The following RHBDL2 variants were observed in gnomAD, a reference collection of about 807,000 sequenced individuals.
The protein encoded by RHBDL2 is rhomboid like 2, also known as rhomboid-related protein 2.
Under a neutral mutation model 31.7 loss-of-function variants are expected in RHBDL2, and 26 were observed. The observed-to-expected ratio is 0.82, with a 90% CI of 0.60 to 1.14. The LOEUF is 1.14. Ranked by LOEUF, RHBDL2 falls within the 50% of genes most tolerant of loss-of-function variation. The pLI, the probability that RHBDL2 is intolerant of heterozygous loss-of-function variation, is 0.00. For missense variants in RHBDL2, 336 were observed against 364.4 expected (o/e 0.92, Z 0.63); for synonymous variants, 123 against 127.2 (o/e 0.97, Z 0.22).
intron 1 of RHBDL2, among the ~76,000 whole-genome samples, chr1:38,932,568 T>C (rs1031797006): frequency 1.3e-5 from 2 of 152,214 alleles, no homozygotes; most frequent in Admixed American, 6.5e-5. Context: ...CAAGGGACTC[T>C]TGTGCCTCAG....
chr1:38,921,317 G>T lies in RHBDL2; in HGVS notation c.-125-1980C>A, dbSNP rs566374769. Among the ~76,000 whole-genome samples the T allele has an allele frequency of 5.3e-5, 8 of 152,290 alleles. No homozygotes were observed. The South Asian group carries it at 1.4e-3, about 28-fold the overall frequency. ...AATCGCTTGAACCTGGGAGGCAGAGGTTACAGTGAGCCAAATTCACACCAC... is the reference window on the plus strand; with the variant it reads ...AATCGCTTGAACCTGGGAGGCAGAGTTTACAGTGAGCCAAATTCACACCAC... On this transcript the variant is annotated intron_variant, in intron 1 of 7. Coordinates refer to ENST00000372990, the MANE Select transcript of RHBDL2 (RefSeq NM_017821.5).
chr1:38,919,386 T>C, intron 1 of RHBDL2, 49 bp from the exon 2 acceptor site: 1 of 1,477,120 alleles, frequency 6.8e-7, no homozygotes, highest in South Asian at 1.4e-5. Flanking sequence ...GATCTAAACC[T>C]CCTAAATGGC....
intron 4 of RHBDL2, among the ~76,000 whole-genome samples, chr1:38,900,355 C>T (rs1223341696): frequency 6.6e-6 from 1 of 152,062 alleles, no homozygotes. Context: ...AGTGCAGTGG[C>T]TCATGCCTAT....
chr1:38,912,908 ATATGTGTGTGTG>A (rs1333657605), intron 3 of RHBDL2, among the ~76,000 whole-genome samples: 1 of 35,322 alleles, frequency 2.8e-5, no homozygotes, highest in Non-Finnish European at 6.6e-5. Flanking sequence ...ATATATATAT[ATATGTGTGTGTG>A]TGTGTGTGTG....
chr1:38,899,563 T>C (rs1191999739), intron 4 of RHBDL2, among the ~76,000 whole-genome samples: 2 of 152,174 alleles, frequency 1.3e-5, no homozygotes, highest in South Asian at 4.2e-4. Context: ...TCAGGTCCCT[T>C]GGGAACACTG....
intron 4 of RHBDL2, among the ~76,000 whole-genome samples, chr1:38,897,013 C>G (rs1327548946): frequency 2.0e-5 from 3 of 152,054 alleles, no homozygotes; most frequent in Non-Finnish European, 4.4e-5. Context: ...TGTAGAAGCA[C>G]TTAGGAAGGA....
chr1:38,919,581 C>T (rs1033476294), intron 1 of RHBDL2, among the ~76,000 whole-genome samples: 5 of 151,358 alleles, frequency 3.3e-5, no homozygotes, highest in Admixed American at 6.6e-5. Context: ...TTACCATTTT[C>T]GCCATTTAAT....
In RHBDL2 at chr1:38,935,736, C is replaced by T. The variant is rs1643492778; in HGVS notation, c.-126+5946G>A. ...CAAGCTATCCTTCCACCTTAGCCTC[C>T]CAAGTAGCTGGGACTACAGGTGTGT... On this transcript the variant is annotated intron_variant, in intron 1 of 7. Coordinates refer to ENST00000372990, the MANE Select transcript of RHBDL2 (RefSeq NM_017821.5). Among the ~76,000 whole-genome samples, 6 of 152,026 alleles carry T rather than the reference C, an allele frequency of 3.9e-5. No homozygotes were observed. In the South Asian group the frequency reaches 1.0e-3, roughly 26 times the overall value.
At chr1:38,906,846 G>A (rs1340237434) in intron 4 of RHBDL2, among the ~76,000 whole-genome samples, 1 of 152,122 alleles carries the variant, frequency 6.6e-6, no homozygotes, top group Non-Finnish European at 1.5e-5. Flanking sequence ...CCAAATTGAT[G>A]TACAGATTTA....
intron 2 of RHBDL2, among the ~76,000 whole-genome samples, chr1:38,917,270 G>A (rs1279314870): frequency 6.6e-6 from 1 of 152,022 alleles, no homozygotes; most frequent in Non-Finnish European, 1.5e-5. Context: ...GCCCACCTCA[G>A]CCTCCCAAAG....
rs1642789704 is a variant in RHBDL2, at chr1:38,886,699, G to A, written c.733-16C>T. 6.6e-7 allele frequency: 1 copy of A among 1,522,172 alleles called. No individual in the cohort carries two copies. The allele number at this position is 1,522,172 out of a possible 1,614,324, so 94.3% of individuals were successfully genotyped here. A position where few individuals can be genotyped will look rare whatever the true frequency, so the allele number is the denominator to read the frequency against. ...CAAAAGACACCTTGGGAGAAAAGGAGGGAAAATGGAAATAAGTGAAGACAA... is the reference window on the plus strand; with the variant it reads ...CAAAAGACACCTTGGGAGAAAAGGAAGGAAAATGGAAATAAGTGAAGACAA... On this transcript the variant is annotated splice_polypyrimidine_tract_variant and intron_variant, in intron 7 of 7. Coordinates refer to ENST00000372990, the MANE Select transcript of RHBDL2 (RefSeq NM_017821.5).
intron 4 of RHBDL2, among the ~76,000 whole-genome samples, chr1:38,899,504 T>C (rs567344009): frequency 1.3e-5 from 2 of 152,178 alleles, no homozygotes; most frequent in Non-Finnish European, 2.9e-5. Flanking sequence ...CTAACAGGCA[T>C]GTGGGGCATG....
At chr1:38,888,827 G>A (rs71642660) in intron 6 of RHBDL2, among the ~76,000 whole-genome samples, 12,161 of 152,212 alleles carry the variant, frequency 0.08, 512 homozygotes, top group Middle Eastern at 0.17. Context: ...TTCAGAAGGT[G>A]AGTTGTACTC....
At chr1:38,900,648 C>A (rs972447944) in intron 4 of RHBDL2, among the ~76,000 whole-genome samples, 2 of 151,750 alleles carry the variant, frequency 1.3e-5, no homozygotes, top group African/African-American at 4.8e-5. Context: ...GTCACTTGAA[C>A]CTGGGAGACG....
rs937042248 is a variant in RHBDL2 at position 38,902,209 on chromosome 1, T to C, written c.509-6140A>G. On this transcript the variant is annotated intron_variant, in intron 4 of 7. Coordinates refer to ENST00000372990, the MANE Select transcript of RHBDL2 (RefSeq NM_017821.5). ...TCTTCTTTTTTCTTTTTCTTTTTTT[T>C]TTTTTTTTTTTTTTGAGACAGAGTC... is the stretch of plus-strand genomic sequence containing the variant. 2.2e-3 allele frequency among the ~76,000 whole-genome samples: 283 copies of C among 130,222 alleles called. 2 individuals carry two copies. The highest frequency in any genetic ancestry group is 7.2e-3 in the African/African-American group (261 of 36,074). 85.4% of individuals were successfully genotyped at this position (130,222 alleles called of 152,430 possible). A position where few individuals can be genotyped will look rare whatever the true frequency, so the allele number is the denominator to read the frequency against.
At chr1:38,913,780 G>A (rs924993038) in intron 3 of RHBDL2, among the ~76,000 whole-genome samples, 3 of 152,140 alleles carry the variant, frequency 2.0e-5, no homozygotes, top group Non-Finnish European at 2.9e-5. Context: ...GGGCATGGTG[G>A]ATCATGGATG....
At chr1:38,889,879 G>A (rs895001785) in intron 6 of RHBDL2, among the ~76,000 whole-genome samples, 6 of 152,118 alleles carry the variant, frequency 3.9e-5, no homozygotes, top group Non-Finnish European at 8.8e-5. Context: ...TGGGAAAATA[G>A]CATCAGGACA....
chr1:38,929,280 G>A (rs1015297273), intron 1 of RHBDL2: 5 of 625,052 alleles, frequency 8.0e-6, no homozygotes, highest in Non-Finnish European at 4.9e-6. Flanking sequence ...AGAAGATGGG[G>A]CTGGGAATTC....
intron 4 of RHBDL2, 60 bp from the exon 5 acceptor site, chr1:38,896,129 T>C: frequency 2.3e-6 from 3 of 1,277,496 alleles, no homozygotes; most frequent in Non-Finnish European, 3.4e-6. Context: ...AGATAAATCT[T>C]TCTAATCTAA....
Sources: allele counts gnomAD v4.1 joint callset (sites outside exome capture counted in the v4.1 genomes callset), GRCh38; gene constraint gnomAD v4.1.1; transcripts MANE v1.5; gene names NCBI Gene and HGNC (gene_info 2026-07-23, HGNC 2026-07-21).